KANSL1: variants seen among roughly 807,000 people sequenced by gnomAD.
KANSL1 encodes the protein MLL1/MLL complex subunit KANSL1.
In KANSL1, 22 loss-of-function variants were observed where a neutral mutation model predicts 103.6. The ratio of observed to expected loss-of-function variants is 0.21; its 90% CI spans 0.15 to 0.30. The LOEUF is 0.30. Among genes scored for constraint, KANSL1 ranks in the 10% least tolerant of loss-of-function variants. The pLI is 1.00. For missense variants in KANSL1, 1,337 were observed against 1,399.8 expected (o/e 0.96, Z 0.72); for synonymous variants, 600 against 527.6 (o/e 1.14, Z -1.88).
chr17:46,034,605 C>G (rs1284404576), intron 10 of KANSL1: 1 of 303,134 alleles, frequency 3.3e-6, no homozygotes, highest in Non-Finnish European at 6.2e-6. Flanking sequence ...ACTCTATATA[C>G]ACCTCTATTA....
At chr17:46,217,356 AC>A (rs1222047397) in intron 1 of KANSL1, among the ~76,000 whole-genome samples, 7 of 152,114 alleles carry the variant, frequency 4.6e-5, no homozygotes, top group Non-Finnish European at 1.0e-4. Flanking sequence ...AGCACCTGTA[AC>A]TCCAGCTACT....
At chr17:46,199,908 A>G (rs1258514420) in intron 1 of KANSL1, among the ~76,000 whole-genome samples, 1 of 152,216 alleles carries the variant, frequency 6.6e-6, no homozygotes, top group African/African-American at 2.4e-5. Flanking sequence ...TATTGTTAAA[A>G]TCTAACACCC....
intron 1 of KANSL1, among the ~76,000 whole-genome samples, chr17:46,218,790 A>T (rs2048421455): frequency 6.6e-6 from 1 of 152,176 alleles, no homozygotes; most frequent in Non-Finnish European, 1.5e-5. Flanking sequence ...CTCAAAAAAA[A>T]AAAAAATTAG....
At chr17:46,173,950 T>C (rs1232049728) in intron 1 of KANSL1, among the ~76,000 whole-genome samples, 2 of 152,268 alleles carry the variant, frequency 1.3e-5, no homozygotes, top group East Asian at 1.9e-4. Flanking sequence ...GCTTTGTTCA[T>C]GGAACACGAT....
At chr17:46,178,192 T>C (rs559871127) in intron 1 of KANSL1, among the ~76,000 whole-genome samples, 1 of 152,078 alleles carries the variant, frequency 6.6e-6, no homozygotes, top group African/African-American at 2.4e-5. Context: ...GGAAAGACTG[T>C]CAAATTTAAG....
intron 1 of KANSL1, among the ~76,000 whole-genome samples, chr17:46,191,042 A>C (rs2047292798): frequency 6.6e-6 from 1 of 152,276 alleles, no homozygotes. Context: ...ACTTTAAAAA[A>C]AAAGTTTCTT....
chr17:46,059,072 A>G (rs184378032), intron 6 of KANSL1, among the ~76,000 whole-genome samples: 1 of 150,776 alleles, frequency 6.6e-6, no homozygotes, highest in East Asian at 1.9e-4. Flanking sequence ...GAAAGAAAGA[A>G]AAAAAAAAGA....
chr17:46,076,162 A>T (rs1180110083), intron 4 of KANSL1, among the ~76,000 whole-genome samples: 1 of 152,138 alleles, frequency 6.6e-6, no homozygotes, highest in Non-Finnish European at 1.5e-5. Flanking sequence ...GTAGGAGGAG[A>T]GTGTGACTCC....
At chr17:46,124,204 G>C (rs1452261576) in intron 2 of KANSL1, among the ~76,000 whole-genome samples, 2 of 152,190 alleles carry the variant, frequency 1.3e-5, no homozygotes, top group Admixed American at 6.5e-5. Flanking sequence ...TTGGAGACCA[G>C]CCTGGGCAAC....
At chr17:46,102,715 ACTCTATC>A (rs1482826602) in intron 2 of KANSL1, among the ~76,000 whole-genome samples, 1 of 152,148 alleles carries the variant, frequency 6.6e-6, no homozygotes, top group Admixed American at 6.5e-5. Flanking sequence ...CCATGAACTC[ACTCTATC>A]CTTCTTCCTT....
At chr17:46,147,430 C>G (rs2044771455) in intron 2 of KANSL1, among the ~76,000 whole-genome samples, 1 of 151,960 alleles carries the variant, frequency 6.6e-6, no homozygotes, top group African/African-American at 2.4e-5. Flanking sequence ...AAAAATTAGC[C>G]AGATGTGGTA....
At chr17:46,053,512 A>G (rs111853996) in intron 6 of KANSL1, among the ~76,000 whole-genome samples, 21,725 of 151,674 alleles carry the variant, frequency 0.14, 2,124 homozygotes, top group Non-Finnish European at 0.22. Flanking sequence ...GCAGTGGCGC[A>G]AGTCTGCCTT....
At chr17:46,095,598 T>C (rs1243545338) in intron 2 of KANSL1, among the ~76,000 whole-genome samples, 2 of 152,212 alleles carry the variant, frequency 1.3e-5, no homozygotes, top group African/African-American at 4.8e-5. Flanking sequence ...AATTACAAAA[T>C]TTTGGCATTT....
chr17:46,037,075 G>T (rs1477355322), intron 10 of KANSL1, among the ~76,000 whole-genome samples: 4 of 152,032 alleles, frequency 2.6e-5, no homozygotes, highest in African/African-American at 7.2e-5. Flanking sequence ...GAGCCTCAGG[G>T]GTTAGCATAG....
intron 3 of KANSL1, among the ~76,000 whole-genome samples, chr17:46,085,593 G>C (rs2079135158): frequency 6.6e-6 from 1 of 152,192 alleles, no homozygotes; most frequent in South Asian, 2.1e-4. Flanking sequence ...GGGCTCAAGT[G>C]ATCCTCCCAC....
Position 46,172,472 on chromosome 17 carries a change from C to T in KANSL1, c.-89-240G>A, listed in dbSNP as rs9911018. Among the ~76,000 whole-genome samples the T allele has an allele frequency of 0.029, 4,465 of 152,178 alleles. 185 individuals carry two copies. The highest frequency in any genetic ancestry group is 0.09 in the African/African-American group (3,715 of 41,452). On this transcript the variant is annotated intron_variant, in intron 1 of 14. Coordinates refer to ENST00000432791, the MANE Select transcript of KANSL1 (RefSeq NM_015443.4). ...GCACCCTTCTTGTCATTTGTTACCA[C>T]AGATTGAAAGGTGCCAAAACACAAG...
chr17:46,062,875 C>T (rs1252542397), intron 6 of KANSL1, among the ~76,000 whole-genome samples: 5 of 151,706 alleles, frequency 3.3e-5, no homozygotes, highest in Non-Finnish European at 5.9e-5. Context: ...CACGGTGAAA[C>T]CTCATCTCTA....
At chr17:46,125,196 T>A (rs1471373238) in intron 2 of KANSL1, among the ~76,000 whole-genome samples, 2 of 152,070 alleles carry the variant, frequency 1.3e-5, no homozygotes, top group Admixed American at 6.5e-5. Flanking sequence ...AACATGGAGA[T>A]AGGACCTTCC....
At chr17:46,187,540 T>C (rs1597919067) in intron 1 of KANSL1, among the ~76,000 whole-genome samples, 1 of 152,342 alleles carries the variant, frequency 6.6e-6, no homozygotes, top group East Asian at 1.9e-4. Flanking sequence ...GAAAGAAACT[T>C]TAATTCTAAA....
Sources: gnomAD v4.1 joint callset for allele counts (sites outside exome capture counted in the v4.1 genomes callset) on GRCh38, gnomAD v4.1.1 for gene constraint, MANE v1.5 for transcripts, NCBI Gene and HGNC (gene_info 2026-07-23, HGNC 2026-07-21) for gene names.